Variants in FHIT observed in about 807,000 individuals in gnomAD.
The protein encoded by FHIT is bis(5'-adenosyl)-triphosphatase.
Under a neutral mutation model 17.9 loss-of-function variants are expected in FHIT, and 19 were observed. The ratio of observed to expected loss-of-function variants is 1.06; its 90% CI spans 0.74 to 1.56. FHIT has a LOEUF of 1.56. Ranked by LOEUF, FHIT falls within the 40% of genes most tolerant of loss-of-function variation. The probability of loss-of-function intolerance (pLI) is 0.00; values close to 1 mark genes in which losing one functional copy is unlikely to be tolerated. For synonymous variants in FHIT, 81 were observed against 69.7 expected (o/e 1.16, Z -0.81); for missense variants, 248 against 189.2 (o/e 1.31, Z -1.82).
intron 5 of FHIT, among the ~76,000 whole-genome samples, chr3:60,088,853 C>G (rs1436264137): frequency 6.6e-6 from 1 of 152,096 alleles, no homozygotes; most frequent in African/African-American, 2.4e-5. Flanking sequence ...TGCCCAGAAC[C>G]TAGAAAAGTG....
chr3:59,968,059 G>C (rs1447374351), intron 7 of FHIT, among the ~76,000 whole-genome samples: 1 of 152,092 alleles, frequency 6.6e-6, no homozygotes, highest in Non-Finnish European at 1.5e-5. Flanking sequence ...AAAAAGACCA[G>C]GGGTAGGTAG....
At chr3:60,180,121 A>T (rs898592637) in intron 5 of FHIT, among the ~76,000 whole-genome samples, 10 of 152,202 alleles carry the variant, frequency 6.6e-5, no homozygotes, top group African/African-American at 2.4e-4. Flanking sequence ...TAGGCCACCA[A>T]AACAGCTTAT....
At chr3:59,915,231 A>G (rs897252201) in intron 8 of FHIT, among the ~76,000 whole-genome samples, 11 of 152,348 alleles carry the variant, frequency 7.2e-5, no homozygotes, top group African/African-American at 2.4e-4. Flanking sequence ...TGTGGAGGGC[A>G]GATAGGACTC....
chr3:60,350,131 G>A lies in FHIT; in HGVS notation c.103+186729C>T, dbSNP rs113722318. Reference sequence around the variant, plus strand: ...GTACACACTCCCATACCTACATCAGGAGTGAAAGGATCAAGCACCACAGTT... The same window carrying A: ...GTACACACTCCCATACCTACATCAGAAGTGAAAGGATCAAGCACCACAGTT... On this transcript the variant is annotated intron_variant, in intron 5 of 9. Coordinates refer to ENST00000492590, the MANE Select transcript of FHIT (RefSeq NM_002012.4). 3.1e-3 allele frequency among the ~76,000 whole-genome samples: 475 copies of A among 152,256 alleles called. 1 individual carries two copies. The highest frequency in any genetic ancestry group is 0.011 in the African/African-American group (449 of 41,550).
Position 61,095,381 on chromosome 3 carries a change from T to G in FHIT, c.-163-53282A>C, listed in dbSNP as rs186085751. ...GATGTTGTGCTTGACTGTGCATTAC[T>G]ATGGAACAATTCTAAGCCTGTCTCA... On this transcript the variant is annotated intron_variant, in intron 2 of 9. Coordinates refer to ENST00000492590, the MANE Select transcript of FHIT (RefSeq NM_002012.4). Among the ~76,000 whole-genome samples, 592 of 152,280 alleles carry G rather than the reference T, an allele frequency of 3.9e-3. 2 individuals carry two copies. Among genetic ancestry groups the G allele is most frequent in the African/African-American group, 0.013 (560 of 41,566 alleles).
At chr3:60,834,763 C>A (rs1702470004) in intron 3 of FHIT, among the ~76,000 whole-genome samples, 2 of 151,730 alleles carry the variant, frequency 1.3e-5, no homozygotes, top group African/African-American at 4.8e-5. Flanking sequence ...TATTCCAGAG[C>A]CTCAGGCAGG....
At chr3:60,868,068 A>T (rs575453399) in intron 3 of FHIT, among the ~76,000 whole-genome samples, 3 of 152,238 alleles carry the variant, frequency 2.0e-5, no homozygotes, top group Admixed American at 6.6e-5. Flanking sequence ...ATCTGAATAG[A>T]ATTGAAGGTT....
At chr3:60,744,406 G>A (rs1196636450) in intron 4 of FHIT, among the ~76,000 whole-genome samples, 1 of 152,044 alleles carries the variant, frequency 6.6e-6, no homozygotes, top group Non-Finnish European at 1.5e-5. Flanking sequence ...AATTGGGATG[G>A]ATCAGTGAAA....
At chr3:60,423,760 C>G (rs1416487188) in intron 5 of FHIT, among the ~76,000 whole-genome samples, 1 of 152,146 alleles carries the variant, frequency 6.6e-6, no homozygotes, top group Non-Finnish European at 1.5e-5. Flanking sequence ...ATTAGCACAC[C>G]TGAAACTACC....
chr3:59,898,976 G>T (rs1704200475), intron 8 of FHIT, among the ~76,000 whole-genome samples: 1 of 152,080 alleles, frequency 6.6e-6, no homozygotes, highest in South Asian at 2.1e-4. Context: ...AGATGCTAAG[G>T]GGCAAGCTGA....
chr3:60,480,210 T>C (rs1477257268), intron 5 of FHIT, among the ~76,000 whole-genome samples: 1 of 151,960 alleles, frequency 6.6e-6, no homozygotes, highest in Admixed American at 6.6e-5. Context: ...AATAACCACA[T>C]CTCATGAGAA....
intron 5 of FHIT, among the ~76,000 whole-genome samples, chr3:60,391,926 C>T (rs1286133477): frequency 2.0e-5 from 3 of 150,976 alleles, no homozygotes; most frequent in African/African-American, 7.3e-5. Context: ...CTTAATGTTT[C>T]TTTCTTCTTT....
chr3:60,063,000 G>A (rs987737484), intron 5 of FHIT, among the ~76,000 whole-genome samples: 4 of 152,132 alleles, frequency 2.6e-5, no homozygotes, highest in African/African-American at 7.2e-5. Context: ...CAATGAGACC[G>A]CTTCACAATA....
At chr3:60,838,715 G>T (rs1404832303) in intron 3 of FHIT, among the ~76,000 whole-genome samples, 1 of 151,782 alleles carries the variant, frequency 6.6e-6, no homozygotes, top group South Asian at 2.1e-4. Flanking sequence ...ACAATAAACC[G>T]GATCCTATCG....
chr3:60,209,658 C>A (rs546991941), intron 5 of FHIT, among the ~76,000 whole-genome samples: 4 of 152,162 alleles, frequency 2.6e-5, no homozygotes, highest in African/African-American at 9.6e-5. Context: ...TTCAATAGGG[C>A]TTTTGAAAAA....
chr3:60,441,782 AAATATAT>A (rs1256797598), intron 5 of FHIT, among the ~76,000 whole-genome samples: 1 of 10,220 alleles, frequency 9.8e-5, no homozygotes, highest in Non-Finnish European at 4.4e-4. Flanking sequence ...ATATGTATAA[AAATATAT>A]ATATATATAT....
At chr3:60,715,344 G>A (rs757316218) in intron 4 of FHIT, among the ~76,000 whole-genome samples, 60 of 152,006 alleles carry the variant, frequency 3.9e-4, no homozygotes, top group Non-Finnish European at 7.8e-4. Context: ...GGCACTATTC[G>A]CAATAGCAAA....
At chr3:60,271,849 G>C (rs78482499) in intron 5 of FHIT, among the ~76,000 whole-genome samples, 3,521 of 152,324 alleles carry the variant, frequency 0.023, 64 homozygotes, top group Middle Eastern at 0.071. Flanking sequence ...AGATAGTAGA[G>C]GCTCCATGCA....
chr3:60,863,014 G>A (rs77072281), intron 3 of FHIT, among the ~76,000 whole-genome samples: 1,767 of 152,268 alleles, frequency 0.012, 30 homozygotes, highest in African/African-American at 0.04. Context: ...CTAGTCACAT[G>A]AGGTTGTAAA....
Sources: gnomAD v4.1 joint callset for allele counts (sites outside exome capture counted in the v4.1 genomes callset) on GRCh38, gnomAD v4.1.1 for gene constraint, MANE v1.5 for transcripts, NCBI Gene and HGNC (gene_info 2026-07-23, HGNC 2026-07-21) for gene names.